Variants in BICDL1 observed in about 807,000 individuals in gnomAD.
The protein encoded by BICDL1 is BICD family-like cargo adapter 1.
In BICDL1, 20 loss-of-function variants were observed where a neutral mutation model predicts 76.8. That is an observed-to-expected ratio of 0.26 (90% CI 0.18 to 0.38). The LOEUF is 0.38. BICDL1 is among the 10% of genes least tolerant of loss of function. The probability of loss-of-function intolerance (pLI) is 1.00; values close to 1 mark genes in which losing one functional copy is unlikely to be tolerated. For synonymous variants in BICDL1, 383 were observed against 337.1 expected (o/e 1.14, Z -1.49); for missense variants, 700 against 798.6 (o/e 0.88, Z 1.49).
intron 1 of BICDL1, among the ~76,000 whole-genome samples, chr12:119,996,502 T>C (rs76950791): frequency 2.6e-5 from 4 of 152,306 alleles, no homozygotes; most frequent in African/African-American, 7.2e-5. Context: ...CTGAAAGATA[T>C]TTTGAATGGT....
At chr12:120,033,367 C>CTTTTTTTTTTTTTTTTTTGTTT (rs1952464082) in intron 2 of BICDL1, among the ~76,000 whole-genome samples, 1 of 77,624 alleles carries the variant, frequency 1.3e-5, no homozygotes, top group African/African-American at 7.9e-5. Context: ...GAGTTCTTGC[C>CTTTTTTTTTTTTTTTTTTGTTT]TTTTTTTTTT....
At chr12:120,066,811 C>A (rs1037118578) in intron 4 of BICDL1, among the ~76,000 whole-genome samples, 5 of 152,148 alleles carry the variant, frequency 3.3e-5, no homozygotes, top group Non-Finnish European at 7.4e-5. Flanking sequence ...CGTACTGATA[C>A]AGAAATAAAA....
intron 3 of BICDL1, among the ~76,000 whole-genome samples, chr12:120,064,043 C>G (rs1196713600): frequency 6.6e-6 from 1 of 152,230 alleles, no homozygotes; most frequent in Non-Finnish European, 1.5e-5. Flanking sequence ...CAACCTGTTT[C>G]ATAAAAAGAA....
chr12:120,042,297 GGTTGGAT>G lies in BICDL1; in HGVS notation c.646-19410_646-19404del, dbSNP rs1170738972. 5.9e-5 allele frequency among the ~76,000 whole-genome samples: 9 copies of G among 152,152 alleles called. No homozygotes were observed. The East Asian group carries it at 1.7e-3, about 29-fold the overall frequency. ...GTAGAGTCCACAGGATGTGTGGATGGGTTGGATGTGGAGTGTGAGGGGAAAATCAAAG... is the reference window on the plus strand; with the variant it reads ...GTAGAGTCCACAGGATGTGTGGATGGGTGGAGTGTGAGGGGAAAATCAAAG... On this transcript the variant is annotated intron_variant, in intron 2 of 9. Coordinates refer to ENST00000548673, the MANE Select transcript of BICDL1 (RefSeq NM_001367886.1).
At chr12:120,090,424 C>T (rs1447163934) in intron 9 of BICDL1, among the ~76,000 whole-genome samples, 25 of 152,162 alleles carry the variant, frequency 1.6e-4, no homozygotes, top group Admixed American at 1.0e-3. Flanking sequence ...AAATTCACAG[C>T]GGGATGCGGC....
chr12:120,059,122 G>A (rs868171117), intron 2 of BICDL1, among the ~76,000 whole-genome samples: 7 of 151,572 alleles, frequency 4.6e-5, no homozygotes, highest in African/African-American at 1.7e-4. Flanking sequence ...TTGAGACGTA[G>A]TCTTGCTCTG....
intron 2 of BICDL1, among the ~76,000 whole-genome samples, chr12:120,028,606 G>C (rs931144361): frequency 1.4e-5 from 2 of 145,426 alleles, no homozygotes; most frequent in African/African-American, 5.7e-5. Flanking sequence ...AACCCAGAAG[G>C]TGGAGGTTGC....
intron 3 of BICDL1, among the ~76,000 whole-genome samples, chr12:120,062,136 T>C (rs1953118856): frequency 6.6e-6 from 1 of 152,182 alleles, no homozygotes. Context: ...CTCTATTCCA[T>C]TTAGGCCCAG....
At chr12:120,052,275 CTCTT>C (rs919246964) in intron 2 of BICDL1, among the ~76,000 whole-genome samples, 9 of 138,834 alleles carry the variant, frequency 6.5e-5, no homozygotes, top group South Asian at 2.6e-4. Context: ...CTCTCTCTCT[CTCTT>C]TCTAACTTTT....
chr12:120,042,311 T>G (rs576682370), intron 2 of BICDL1, among the ~76,000 whole-genome samples: 108 of 151,510 alleles, frequency 7.1e-4, no homozygotes, highest in Non-Finnish European at 2.1e-4. Context: ...GGATGTGGAG[T>G]GTGAGGGGAA....
intron 9 of BICDL1, chr12:120,092,371 A>G: frequency 1.0e-6 from 1 of 985,490 alleles, no homozygotes; most frequent in Non-Finnish European, 1.2e-6. Context: ...TTGGTGCAGG[A>G]CAGCCCCTGA....
chr12:120,091,296 CGT>C, intron 9 of BICDL1: 4 of 1,074,706 alleles, frequency 3.7e-6, no homozygotes, highest in Non-Finnish European at 4.5e-6. Context: ...TGATGAGCAG[CGT>C]GTGTCTGGGA....
chr12:120,003,160 A>T lies in BICDL1; in HGVS notation c.645+4424A>T, dbSNP rs1014216445. Among the ~76,000 whole-genome samples the T allele has an allele frequency of 1.9e-3, 140 of 72,400 alleles. 1 individual carries two copies. The highest frequency in any genetic ancestry group is 0.018 in the African/African-American group (136 of 7,484). The allele number at this position is 72,400 out of a possible 152,430, so 47.5% of individuals were successfully genotyped here. A position where few individuals can be genotyped will look rare whatever the true frequency, so the allele number is the denominator to read the frequency against. ...GCAACAGAGCAAGACCCCATCTTTA[A>T]AAAAAAAAAAAAAAAACAGTCGGTA... On this transcript the variant is annotated intron_variant, in intron 2 of 9. Transcript: ENST00000548673.
At chr12:120,073,981 G>A (rs948783000) in intron 6 of BICDL1, among the ~76,000 whole-genome samples, 1 of 152,050 alleles carries the variant, frequency 6.6e-6, no homozygotes, top group Non-Finnish European at 1.5e-5. Flanking sequence ...GTGCTGTGGC[G>A]CCATCTTGGC....
At chr12:120,080,800 G>C in intron 7 of BICDL1, 87 bp from the exon 8 acceptor site, 1 of 1,501,154 alleles carries the variant, frequency 6.7e-7, no homozygotes, top group Non-Finnish European at 9.1e-7. Flanking sequence ...CCCTGGTCCT[G>C]CCTGGGGTCT....
chr12:120,090,957 T>C, intron 9 of BICDL1: 2 of 1,288,826 alleles, frequency 1.6e-6, no homozygotes, highest in South Asian at 2.5e-5. Flanking sequence ...TGGTTTCTGA[T>C]CTAGTGGCCT....
intron 2 of BICDL1, among the ~76,000 whole-genome samples, chr12:119,999,258 G>A (rs1951714071): frequency 6.6e-6 from 1 of 152,124 alleles, no homozygotes; most frequent in Non-Finnish European, 1.5e-5. Context: ...CACAGACTTT[G>A]ACAATCACTT....
chr12:119,996,487 G>C (rs1478441502), intron 1 of BICDL1, among the ~76,000 whole-genome samples: 1 of 152,172 alleles, frequency 6.6e-6, no homozygotes, highest in African/African-American at 2.4e-5. Flanking sequence ...TCCAAAAGAA[G>C]CATTCTGAAA....
At chr12:120,091,237 C>T (rs1191785138) in intron 9 of BICDL1, 2 of 1,158,048 alleles carry the variant, frequency 1.7e-6, no homozygotes, top group African/African-American at 3.2e-5. Flanking sequence ...CTGGTGCCGT[C>T]TTCTCATAGA....
Sources: gnomAD v4.1 joint callset for allele counts (sites outside exome capture counted in the v4.1 genomes callset) on GRCh38, gnomAD v4.1.1 for gene constraint, MANE v1.5 for transcripts, NCBI Gene and HGNC (gene_info 2026-07-23, HGNC 2026-07-21) for gene names.